Variants in PTPRN2 observed in about 807,000 individuals in gnomAD.
PTPRN2 encodes protein tyrosine phosphatase receptor type N2, also known as receptor-type tyrosine-protein phosphatase N2.
In PTPRN2, 74 loss-of-function variants were observed where a neutral mutation model predicts 118.8. The observed-to-expected ratio is 0.62, with a 90% CI of 0.52 to 0.76. The LOEUF is 0.76. PTPRN2 is among the 30% of genes least tolerant of loss of function. The pLI, the probability that PTPRN2 is intolerant of heterozygous loss-of-function variation, is 0.00. For synonymous variants in PTPRN2, 641 were observed against 608.0 expected (o/e 1.05, Z -0.80); for missense variants, 1,481 against 1,394.4 (o/e 1.06, Z -0.99).
intron 12 of PTPRN2, among the ~76,000 whole-genome samples, chr7:157,748,491 C>CATGCAGTTGA (rs1554433012): frequency 1.9e-4 from 12 of 62,364 alleles, no homozygotes; most frequent in Non-Finnish European, 3.3e-4. Context: ...CCCTGAGCTG[C>CATGCAGTTGA]GGAGTGTCTG....
intron 2 of PTPRN2, among the ~76,000 whole-genome samples, chr7:158,431,405 A>ATGGCTCACACTGGGCACAC (rs1816168207): frequency 8.5e-6 from 1 of 117,072 alleles, no homozygotes; most frequent in Non-Finnish European, 1.7e-5. Context: ...CGAGCACACA[A>ATGGCTCACACTGGGCACAC]TGGCTCACAC....
chr7:157,959,352 C>T (rs114875698), intron 11 of PTPRN2, among the ~76,000 whole-genome samples: 2 of 152,164 alleles, frequency 1.3e-5, no homozygotes, highest in Admixed American at 6.5e-5. Flanking sequence ...GAAAAATAAA[C>T]AAATTGCACT....
At position 158,357,273 on chromosome 7, in the gene PTPRN2, C is replaced by T. The variant is rs113432186; in HGVS notation, c.164-40341G>A. 2.3e-3 allele frequency among the ~76,000 whole-genome samples: 355 copies of T among 152,364 alleles called. 4 individuals carry two copies. The highest frequency in any genetic ancestry group is 8.2e-3 in the African/African-American group (339 of 41,586). ...TGGGTGCCCGGCTTGCAGGCCTCTG[C>T]GGCAGGTCTGTGGGTTCCCTGGCCC... On this transcript the variant is annotated intron_variant, in intron 2 of 22. Transcript: ENST00000389418.
chr7:157,825,135 T>C (rs1385755783), intron 12 of PTPRN2, among the ~76,000 whole-genome samples: 2 of 152,198 alleles, frequency 1.3e-5, no homozygotes, highest in African/African-American at 4.8e-5. Context: ...GAAGTTTCTC[T>C]TTCCCAGCCT....
intron 12 of PTPRN2, among the ~76,000 whole-genome samples, chr7:157,890,162 T>C (rs1316012506): frequency 6.6e-6 from 1 of 152,190 alleles, no homozygotes; most frequent in African/African-American, 2.4e-5. Flanking sequence ...GTTTGATTAC[T>C]GAGCCAAAGG....
chr7:158,355,104 C>A (rs1000039924), intron 2 of PTPRN2, among the ~76,000 whole-genome samples: 4 of 152,066 alleles, frequency 2.6e-5, no homozygotes, highest in South Asian at 4.1e-4. Flanking sequence ...GAGATAAATT[C>A]TTTCCCAGAC....
intron 12 of PTPRN2, among the ~76,000 whole-genome samples, chr7:157,722,876 G>A (rs1208712080): frequency 6.6e-6 from 1 of 152,084 alleles, no homozygotes; most frequent in Non-Finnish European, 1.5e-5. Context: ...CTTGGTGGTG[G>A]GGCCAGGCTG....
At chr7:157,880,826 A>G (rs1796068336) in intron 12 of PTPRN2, among the ~76,000 whole-genome samples, 1 of 152,148 alleles carries the variant, frequency 6.6e-6, no homozygotes, top group Non-Finnish European at 1.5e-5. Context: ...TCACTTTTTA[A>G]TTTATTGTTT....
intron 10 of PTPRN2, among the ~76,000 whole-genome samples, chr7:158,081,752 G>C (rs934282646): frequency 6.6e-6 from 1 of 152,218 alleles, no homozygotes. Flanking sequence ...ATCTAGAGCA[G>C]AGAGGAAAGA....
Position 158,025,217 on chromosome 7 carries a change from G to A in PTPRN2, c.1723+56081C>T, listed in dbSNP as rs192273113. Among the ~76,000 whole-genome samples the A allele has an allele frequency of 3.6e-3, 547 of 152,288 alleles. 3 individuals are homozygous for A. Among genetic ancestry groups the A allele is most frequent in the African/African-American group, 0.013 (525 of 41,558 alleles). On this transcript the variant is annotated intron_variant, in intron 11 of 22. Coordinates refer to ENST00000389418, the MANE Select transcript of PTPRN2 (RefSeq NM_002847.5). ...GTGGGAGAGCCGCGCCTCCTTGTCA[G>A]TGTGATGGTTGGTAACTAGATTGGC...
chr7:158,236,293 C>A (rs1829538752), intron 3 of PTPRN2, among the ~76,000 whole-genome samples: 1 of 152,166 alleles, frequency 6.6e-6, no homozygotes, highest in African/African-American at 2.4e-5. Context: ...TTCAGAGGAG[C>A]CCCAGCTTCT....
At chr7:158,431,448 C>G (rs76621439) in intron 2 of PTPRN2, among the ~76,000 whole-genome samples, 27 of 5,102 alleles carry the variant, frequency 5.3e-3, no homozygotes, top group East Asian at 0.037. Flanking sequence ...GCACACACTG[C>G]CTCACACGAC....
chr7:157,926,699 A>T (rs896407596), intron 11 of PTPRN2, among the ~76,000 whole-genome samples: 1 of 152,130 alleles, frequency 6.6e-6, no homozygotes, highest in Non-Finnish European at 1.5e-5. Flanking sequence ...AAACACCCAC[A>T]GACCCTGTAA....
At chr7:158,116,650 T>G (rs1203613286) in intron 9 of PTPRN2, among the ~76,000 whole-genome samples, 1 of 152,232 alleles carries the variant, frequency 6.6e-6, no homozygotes, top group Non-Finnish European at 1.5e-5. Flanking sequence ...AGGGCACCAT[T>G]GTTTGGCCAC....
intron 15 of PTPRN2, among the ~76,000 whole-genome samples, 193 bp from the exon 16 acceptor site, chr7:157,604,268 G>T (rs981566677): frequency 6.6e-6 from 1 of 152,162 alleles, no homozygotes; most frequent in Non-Finnish European, 1.5e-5. Flanking sequence ...CCCCTGCCCG[G>T]GCTCCAGGGC....
intron 1 of PTPRN2, among the ~76,000 whole-genome samples, chr7:158,500,213 T>TC (rs1035271180): frequency 2.0e-5 from 3 of 152,168 alleles, no homozygotes; most frequent in African/African-American, 7.2e-5. Flanking sequence ...TACTACAGTT[T>TC]CCCCTTTTAA....
chr7:158,214,871 C>G (rs1474840639), intron 3 of PTPRN2, among the ~76,000 whole-genome samples: 1 of 152,130 alleles, frequency 6.6e-6, no homozygotes, highest in African/African-American at 2.4e-5. Context: ...CCCCTTACCC[C>G]CAGAAGAGGA....
At chr7:158,145,078 G>T (rs1464611526) in intron 6 of PTPRN2, among the ~76,000 whole-genome samples, 1 of 148,670 alleles carries the variant, frequency 6.7e-6, no homozygotes, top group Non-Finnish European at 1.5e-5. Flanking sequence ...TCGCGAGAAG[G>T]TTCCAGAATA....
In PTPRN2 at chr7:158,525,830, G is replaced by A. The variant is rs577918741; in HGVS notation, c.113-36045C>T. On this transcript the variant is annotated intron_variant, in intron 1 of 22. Transcript: ENST00000389418. The surrounding 1 kb of genome is among the most constrained non-coding windows in gnomAD (Gnocchi z 4.1). ...GTGCTCACACAGTGTGGAAGCTCCC[G>A]CTTCAGCAAGAGGAAAGCCCCGATG... Among the ~76,000 whole-genome samples, 383 of 152,202 alleles carry A rather than the reference G, an allele frequency of 2.5e-3. No homozygotes were observed. The highest frequency in any genetic ancestry group is 3.1e-3 in the Admixed American group (48 of 15,284).
Sources: gnomAD v4.1 joint callset for allele counts (sites outside exome capture counted in the v4.1 genomes callset) on GRCh38, gnomAD v4.1.1 for gene constraint, Gnocchi (gnomAD v3.1) non-coding constraint, MANE v1.5 for transcripts, NCBI Gene and HGNC (gene_info 2026-07-23, HGNC 2026-07-21) for gene names.